FAM78B: variants seen among roughly 807,000 people sequenced by gnomAD.
FAM78B encodes family with sequence similarity 78 member B, also known as protein FAM78B.
A neutral mutation model predicts 20.0 loss-of-function variants in FAM78B; 10 were observed. The ratio of observed to expected loss-of-function variants is 0.50; its 90% CI spans 0.31 to 0.85. The LOEUF is 0.85. Ranked by LOEUF, FAM78B falls within the 40% of genes least tolerant of loss-of-function variation. FAM78B has a pLI of 0.05. For synonymous variants in FAM78B, 135 were observed against 132.8 expected (o/e 1.02, Z -0.12); for missense variants, 283 against 345.0 (o/e 0.82, Z 1.42).
chr1:166,105,697 C>G (rs1196293476), intron 1 of FAM78B, among the ~76,000 whole-genome samples: 1 of 152,016 alleles, frequency 6.6e-6, no homozygotes, highest in African/African-American at 2.4e-5. Context: ...ATTAAAAAGT[C>G]AGGAAACAAC....
intron 1 of FAM78B, among the ~76,000 whole-genome samples, chr1:166,150,718 A>C (rs1413929028): frequency 6.6e-6 from 1 of 152,216 alleles, no homozygotes; most frequent in African/African-American, 2.4e-5. Flanking sequence ...AATTACCAAG[A>C]ATATAGAACA....
chr1:166,162,228 A>T (rs566702398), intron 1 of FAM78B, among the ~76,000 whole-genome samples: 4 of 152,228 alleles, frequency 2.6e-5, no homozygotes, highest in Non-Finnish European at 5.9e-5. Flanking sequence ...GACTAAACTG[A>T]ACAGGCAACA....
intron 1 of FAM78B, among the ~76,000 whole-genome samples, chr1:166,128,341 A>G (rs1216502857): frequency 6.6e-6 from 1 of 152,218 alleles, no homozygotes; most frequent in Non-Finnish European, 1.5e-5. Context: ...AGCAAGAGAA[A>G]GAAGAGATGC....
At chr1:166,087,333 G>C (rs1306634765) in intron 1 of FAM78B, 2 of 152,120 alleles carry the variant, frequency 1.3e-5, no homozygotes, top group African/African-American at 4.8e-5. Flanking sequence ...AAAATGCTAG[G>C]ATTACAAGCA....
At chr1:166,107,397 C>G (rs1381627023) in intron 1 of FAM78B, among the ~76,000 whole-genome samples, 1 of 152,036 alleles carries the variant, frequency 6.6e-6, no homozygotes, top group African/African-American at 2.4e-5. Context: ...ACTAGAAAAT[C>G]TGGAAGAGAT....
At chr1:166,117,122 T>C (rs955114066) in intron 1 of FAM78B, among the ~76,000 whole-genome samples, 14 of 152,220 alleles carry the variant, frequency 9.2e-5, no homozygotes, top group African/African-American at 2.7e-4. Context: ...CCCCCAGAAC[T>C]CTGTGTTGCA....
intron 1 of FAM78B, among the ~76,000 whole-genome samples, chr1:166,116,141 T>C (rs1413972473): frequency 6.6e-6 from 1 of 152,210 alleles, no homozygotes; most frequent in African/African-American, 2.4e-5. Flanking sequence ...GCAGCTTTCA[T>C]GTGTCCTGTG....
intron 1 of FAM78B, among the ~76,000 whole-genome samples, chr1:166,104,287 C>T (rs549741188): frequency 0.014 from 2,158 of 152,152 alleles, 52 homozygotes; most frequent in African/African-American, 0.05. Flanking sequence ...CCTTTGAAAA[C>T]TGGCACAAGA....
chr1:166,148,882 A>G (rs1233971555), intron 1 of FAM78B, among the ~76,000 whole-genome samples: 2 of 152,240 alleles, frequency 1.3e-5, no homozygotes, highest in East Asian at 3.8e-4. Flanking sequence ...CCTATGAGTG[A>G]GAATATGCGG....
intron 1 of FAM78B, among the ~76,000 whole-genome samples, chr1:166,110,752 C>T (rs1231635706): frequency 1.3e-5 from 2 of 152,144 alleles, no homozygotes; most frequent in African/African-American, 2.4e-5. Context: ...CTTGTGATAC[C>T]TTCCCAGAGC....
In FAM78B at chr1:166,155,500, G is replaced by A. The variant is rs188823563; in HGVS notation, c.263+10486C>T. On this transcript the variant is annotated intron_variant, in intron 1 of 1. Coordinates refer to ENST00000354422, the MANE Select transcript of FAM78B (RefSeq NM_001017961.5). ...TTGAGTAAGTTGCTCATGGTTTCACGGGGAGACAGACGAGCACATAGCTGC... is the reference window on the plus strand; with the variant it reads ...TTGAGTAAGTTGCTCATGGTTTCACAGGGAGACAGACGAGCACATAGCTGC... Among the ~76,000 whole-genome samples the A allele has an allele frequency of 2.9e-3, 439 of 152,258 alleles. 3 individuals carry two copies. The highest frequency in any genetic ancestry group is 3.7e-3 in the Non-Finnish European group (249 of 68,020).
chr1:166,148,631 C>T (rs7548172), intron 1 of FAM78B, among the ~76,000 whole-genome samples: 30,051 of 152,166 alleles, frequency 0.2, 3,651 homozygotes, highest in South Asian at 0.39. Context: ...CAATGGCAGG[C>T]GGGCAGCTGG....
chr1:166,134,251 G>A (rs1654987799), intron 1 of FAM78B, among the ~76,000 whole-genome samples: 1 of 140,268 alleles, frequency 7.1e-6, no homozygotes, highest in South Asian at 2.2e-4. Context: ...CTGAATGAGT[G>A]TGCATATAAT....
In FAM78B at chr1:166,109,886, A is replaced by G. The variant is rs866728840; in HGVS notation, c.264-39123T>C. On this transcript the variant is annotated intron_variant, in intron 1 of 1. Coordinates refer to ENST00000354422, the MANE Select transcript of FAM78B (RefSeq NM_001017961.5). Reference sequence around the variant, plus strand: ...TGTATGTGTATATATATATATGTATATATGTATATATATATATATATATAT... The same window carrying G: ...TGTATGTGTATATATATATATGTATGTATGTATATATATATATATATATAT... Among the ~76,000 whole-genome samples, 24 of 18,548 alleles carry G rather than the reference A, an allele frequency of 1.3e-3. 3 individuals are homozygous for G. The highest frequency in any genetic ancestry group is 1.7e-3 in the Non-Finnish European group (17 of 9,784). The allele number at this position is 18,548 out of a possible 152,430, so 12.2% of individuals were successfully genotyped here.
Position 166,094,003 on chromosome 1 carries a change from C to CTGTGTGTGTGTGTGTGTGTGTGTGTGTG in FAM78B, c.264-23268_264-23241dup, listed in dbSNP as rs58213930. On this transcript the variant is annotated intron_variant, in intron 1 of 1. Coordinates refer to ENST00000354422, the MANE Select transcript of FAM78B (RefSeq NM_001017961.5). ...AGGGGCACACAGGGCTTGCGAATGA[C>CTGTGTGTGTGTGTGTGTGTGTGTGTGTG]TGTGTGTGTGTGTGTGTGTGTGTGT... 2.1e-3 allele frequency among the ~76,000 whole-genome samples: 265 copies of CTGTGTGTGTGTGTGTGTGTGTGTGTGTG among 125,460 alleles called. 2 individuals are homozygous for CTGTGTGTGTGTGTGTGTGTGTGTGTGTG. Among genetic ancestry groups the CTGTGTGTGTGTGTGTGTGTGTGTGTGTG allele is most frequent in the East Asian group, 6.5e-3 (24 of 3,666 alleles). 82.3% of individuals were successfully genotyped at this position (125,460 alleles called of 152,430 possible). A position where few individuals can be genotyped will look rare whatever the true frequency, so the allele number is the denominator to read the frequency against.
intron 1 of FAM78B, among the ~76,000 whole-genome samples, chr1:166,104,749 G>A (rs1171620545): frequency 6.6e-6 from 1 of 152,184 alleles, no homozygotes; most frequent in Non-Finnish European, 1.5e-5. Context: ...TGGGTAGGAA[G>A]AATCAACATC....
At chr1:166,092,991 C>A (rs1270335826) in intron 1 of FAM78B, among the ~76,000 whole-genome samples, 3 of 152,006 alleles carry the variant, frequency 2.0e-5, no homozygotes, top group African/African-American at 7.3e-5. Flanking sequence ...GGGTCTGAGC[C>A]CCAAACCTAC....
chr1:166,099,476 C>T (rs572640850), intron 1 of FAM78B, among the ~76,000 whole-genome samples: 19 of 152,218 alleles, frequency 1.2e-4, no homozygotes, highest in African/African-American at 4.6e-4. Flanking sequence ...GATGCAGAAC[C>T]CACAGAATGG....
downstream of FAM78B, among the ~76,000 whole-genome samples, chr1:166,065,843 T>C (rs186118200): frequency 6.6e-6 from 1 of 152,360 alleles, no homozygotes; most frequent in Non-Finnish European, 1.5e-5. Context: ...CTAAGGATCA[T>C]TTAGGCTTAA....
Sources: allele counts gnomAD v4.1 joint callset (sites outside exome capture counted in the v4.1 genomes callset), GRCh38; gene constraint gnomAD v4.1.1; transcripts MANE v1.5; gene names NCBI Gene and HGNC (gene_info 2026-07-23, HGNC 2026-07-21).